CFDP1: variants seen among roughly 807,000 people sequenced by gnomAD.
CFDP1 encodes the protein heterochromatin-stabilizing protein CFDP1.
In CFDP1, 31 loss-of-function variants were observed where a neutral mutation model predicts 40.1. That is an observed-to-expected ratio of 0.77 (90% CI 0.58 to 1.04). CFDP1 has a LOEUF of 1.04. Ranked by LOEUF, CFDP1 falls within the 50% of genes least tolerant of loss-of-function variation. CFDP1 has a pLI of 0.00. For missense variants in CFDP1, 423 were observed against 343.4 expected (o/e 1.23, Z -1.83); for synonymous variants, 167 against 120.0 (o/e 1.39, Z -2.56).
chr16:75,332,764 A>AT (rs1254241812), intron 5 of CFDP1, among the ~76,000 whole-genome samples: 1 of 143,298 alleles, frequency 7.0e-6, no homozygotes, highest in Non-Finnish European at 1.5e-5. Flanking sequence ...ATATTTTACA[A>AT]TTTTTTTCTG....
chr16:75,411,768 G>C, intron 4 of CFDP1, 57 bp downstream of exon 4: 2 of 1,524,870 alleles, frequency 1.3e-6, no homozygotes, highest in South Asian at 1.2e-5. Context: ...ACACCAGTTA[G>C]AGAGAGACGC....
chr16:75,361,677 A>C (rs968297933), intron 5 of CFDP1, among the ~76,000 whole-genome samples: 2 of 152,126 alleles, frequency 1.3e-5, no homozygotes, highest in Non-Finnish European at 2.9e-5. Context: ...AAACATGTAA[A>C]AAACTCAAAG....
At chr16:75,428,005 T>C (rs1873761940) in intron 1 of CFDP1, among the ~76,000 whole-genome samples, 1 of 152,184 alleles carries the variant, frequency 6.6e-6, no homozygotes, top group African/African-American at 2.4e-5. Flanking sequence ...ACTGTTATGG[T>C]TCCATTTAGA....
chr16:75,298,437 C>T (rs12935787), intron 6 of CFDP1, among the ~76,000 whole-genome samples: 79,501 of 151,990 alleles, frequency 0.52, 21,969 homozygotes, highest in Admixed American at 0.67. Context: ...TGCAGGGAAA[C>T]CTGAGGCAGT....
chr16:75,370,448 C>G (rs1428743063), intron 5 of CFDP1, among the ~76,000 whole-genome samples: 1 of 152,026 alleles, frequency 6.6e-6, no homozygotes, highest in Non-Finnish European at 1.5e-5. Context: ...AGGAGATATA[C>G]CTAATGTAAA....
intron 4 of CFDP1, 151 bp downstream of exon 4, chr16:75,411,674 G>T: frequency 1.3e-6 from 1 of 746,470 alleles, no homozygotes; most frequent in Non-Finnish European, 2.2e-6. Context: ...ATACTCCCTG[G>T]TAATTTATAG....
chr16:75,421,458 G>A (rs2079279114), intron 1 of CFDP1, among the ~76,000 whole-genome samples: 1 of 151,778 alleles, frequency 6.6e-6, no homozygotes, highest in Non-Finnish European at 1.5e-5. Context: ...TACTATGAGG[G>A]AAAAAAAGAT....
chr16:75,306,906 C>CA (rs1343647085), intron 5 of CFDP1, among the ~76,000 whole-genome samples: 5 of 147,956 alleles, frequency 3.4e-5, no homozygotes, highest in Non-Finnish European at 7.5e-5. Flanking sequence ...CACACACGCA[C>CA]ACACACACAC....
intron 4 of CFDP1, among the ~76,000 whole-genome samples, chr16:75,408,926 C>T (rs577272714): frequency 1.2e-4 from 18 of 151,734 alleles, no homozygotes; most frequent in African/African-American, 4.1e-4. Context: ...GGTACGATCT[C>T]GGCTCACTGC....
chr16:75,394,944 T>C (rs914140526), intron 5 of CFDP1, 146 bp downstream of exon 5: 1 of 1,014,610 alleles, frequency 9.9e-7, no homozygotes, highest in Non-Finnish European at 1.4e-6. Flanking sequence ...GCATCTTCCA[T>C]TCTGGTAAAT....
intron 5 of CFDP1, among the ~76,000 whole-genome samples, chr16:75,376,650 T>C (rs2078800238): frequency 6.6e-6 from 1 of 152,186 alleles, no homozygotes; most frequent in Non-Finnish European, 1.5e-5. Context: ...ATACTATACC[T>C]TATCTTGGAT....
chr16:75,310,321 T>C (rs2078287323), intron 5 of CFDP1, among the ~76,000 whole-genome samples: 1 of 152,170 alleles, frequency 6.6e-6, no homozygotes, highest in Admixed American at 6.5e-5. Context: ...TGTTCAGTTA[T>C]CCATCAATCA....
At chr16:75,356,612 A>G (rs1221863348) in intron 5 of CFDP1, among the ~76,000 whole-genome samples, 1 of 152,226 alleles carries the variant, frequency 6.6e-6, no homozygotes, top group Non-Finnish European at 1.5e-5. Flanking sequence ...CAGCTACATT[A>G]GCCCTTAGCA....
At chr16:75,412,869 T>A in intron 2 of CFDP1, 115 bp from the exon 3 acceptor site, 2 of 746,946 alleles carry the variant, frequency 2.7e-6, no homozygotes, top group South Asian at 1.7e-5. Context: ...ATTCTGGGAC[T>A]ACTGGTTAAT....
intron 5 of CFDP1, among the ~76,000 whole-genome samples, chr16:75,362,690 T>G (rs900916337): frequency 7.9e-5 from 12 of 152,186 alleles, no homozygotes; most frequent in African/African-American, 2.4e-4. Context: ...AAGTTAAAGT[T>G]CTATTTCCTA....
chr16:75,325,253 C>T (rs1290895538), intron 5 of CFDP1, among the ~76,000 whole-genome samples: 1 of 152,186 alleles, frequency 6.6e-6, no homozygotes, highest in Non-Finnish European at 1.5e-5. Flanking sequence ...CCAGTCCTTA[C>T]CTCCCAGACT....
intron 6 of CFDP1, among the ~76,000 whole-genome samples, chr16:75,302,981 C>T (rs944662617): frequency 2.0e-5 from 3 of 152,134 alleles, no homozygotes; most frequent in Non-Finnish European, 2.9e-5. Context: ...GGGCAGATCA[C>T]CCGAGGTCAG....
chr16:75,321,771 G>A (rs1318720486), intron 5 of CFDP1: 1 of 152,170 alleles, frequency 6.6e-6, no homozygotes, highest in East Asian at 1.9e-4. Context: ...ACATCTCTCA[G>A]TTGGTATCTA....
intron 4 of CFDP1, among the ~76,000 whole-genome samples, chr16:75,408,850 T>C (rs1377678785): frequency 6.6e-6 from 1 of 152,080 alleles, no homozygotes; most frequent in Non-Finnish European, 1.5e-5. Flanking sequence ...ATTGATATTT[T>C]ACTCAGCTTT....
Sources: allele counts gnomAD v4.1 joint callset (sites outside exome capture counted in the v4.1 genomes callset), GRCh38; gene constraint gnomAD v4.1.1; transcripts MANE v1.5; gene names NCBI Gene and HGNC (gene_info 2026-07-23, HGNC 2026-07-21).